MYO5B: variants seen among roughly 807,000 people sequenced by gnomAD.
MYO5B encodes the protein unconventional myosin-Vb.
A neutral mutation model predicts 229.3 loss-of-function variants in MYO5B; 143 were observed. The observed-to-expected ratio is 0.62, with a 90% confidence interval of 0.54 to 0.72. The LOEUF (loss-of-function observed/expected upper bound fraction) is 0.72. MYO5B is among the 30% of genes least tolerant of loss of function. The pLI is 0.00. For missense variants in MYO5B, 2,321 were observed against 2,331.0 expected (o/e 1.00, Z 0.09); for synonymous variants, 918 against 885.2 (o/e 1.04, Z -0.66).
intron 1 of MYO5B, among the ~76,000 whole-genome samples, chr18:50,150,974 CAT>C (rs1460379186): frequency 1.3e-5 from 2 of 152,224 alleles, no homozygotes; most frequent in African/African-American, 2.4e-5. Context: ...CCTAAATGGT[CAT>C]AGTCACTAGC....
chr18:49,936,156 T>C (rs954478188), intron 16 of MYO5B, 96 bp downstream of exon 16: 1 of 1,035,834 alleles, frequency 9.7e-7, no homozygotes. Context: ...GTCATCATGC[T>C]GAAGGCCACA....
chr18:49,836,662 C>A, intron 38 of MYO5B, 49 bp downstream of exon 38: 3 of 1,607,422 alleles, frequency 1.9e-6, no homozygotes, highest in Non-Finnish European at 2.6e-6. Context: ...GGAATGGACT[C>A]AGGGCTTCCT....
rs139833289 is a variant in MYO5B, at chr18:50,064,791, G to C, written c.28-9413C>G. ...TATTTATGCAGTCTAAGTTTGCTTC[G>C]TTTTTCTTTTTAAAAACCTGTTCCA... On this transcript the variant is annotated intron_variant, in intron 1 of 39. Coordinates refer to ENST00000285039, the MANE Select transcript of MYO5B (RefSeq NM_001080467.3). Among the ~76,000 whole-genome samples the C allele has an allele frequency of 2.4e-3, 359 of 152,222 alleles. 1 individual carries two copies. The highest frequency in any genetic ancestry group is 7.6e-3 in the African/African-American group (316 of 41,542).
intron 1 of MYO5B, among the ~76,000 whole-genome samples, chr18:50,085,579 G>T (rs987044077): frequency 1.3e-5 from 2 of 152,104 alleles, no homozygotes; most frequent in South Asian, 2.1e-4. Flanking sequence ...ATACCCAAAG[G>T]ATTATAAATC....
chr18:49,961,848 C>A (rs1386816633), intron 12 of MYO5B, among the ~76,000 whole-genome samples: 2 of 152,232 alleles, frequency 1.3e-5, no homozygotes, highest in East Asian at 1.9e-4. Flanking sequence ...ATGAATTTCA[C>A]CTGCCACCAT....
chr18:49,857,247 T>C (rs1368479253), intron 29 of MYO5B, among the ~76,000 whole-genome samples: 1 of 152,204 alleles, frequency 6.6e-6, no homozygotes, highest in Admixed American at 6.5e-5. Context: ...AGCATTCACA[T>C]AGCCTCACAC....
intron 22 of MYO5B, among the ~76,000 whole-genome samples, chr18:49,884,835 A>C (rs967123687): frequency 6.6e-6 from 1 of 152,228 alleles, no homozygotes; most frequent in Admixed American, 6.5e-5. Flanking sequence ...AAAGAACTGA[A>C]ATAGACATTT....
chr18:49,886,684 A>G (rs939121305), intron 22 of MYO5B, among the ~76,000 whole-genome samples: 1 of 152,224 alleles, frequency 6.6e-6, no homozygotes, highest in Non-Finnish European at 1.5e-5. Flanking sequence ...ATAATAATTA[A>G]TGCAACAGAT....
chr18:50,139,256 A>G (rs992417650), intron 1 of MYO5B, among the ~76,000 whole-genome samples: 4 of 152,170 alleles, frequency 2.6e-5, no homozygotes, highest in African/African-American at 7.2e-5. Context: ...CCCTCTCCCA[A>G]CTTTGCAGCT....
intron 1 of MYO5B, among the ~76,000 whole-genome samples, chr18:50,175,712 T>G (rs1018984987): frequency 6.6e-6 from 1 of 152,226 alleles, no homozygotes; most frequent in African/African-American, 2.4e-5. Flanking sequence ...GGTCAAATTC[T>G]TACTCAAAGG....
intron 1 of MYO5B, among the ~76,000 whole-genome samples, chr18:50,194,314 C>T (rs1001430984): frequency 5.1e-4 from 78 of 152,174 alleles, no homozygotes; most frequent in African/African-American, 1.8e-3. Flanking sequence ...GGCGCGCCCT[C>T]GAGAGCCGGC....
chr18:49,999,983 C>T (rs1048559497), intron 5 of MYO5B, among the ~76,000 whole-genome samples: 3 of 152,244 alleles, frequency 2.0e-5, no homozygotes, highest in African/African-American at 7.2e-5. Flanking sequence ...AGAACAAATA[C>T]TGAAACTTGC....
chr18:50,113,033 A>G (rs568403910), intron 1 of MYO5B, among the ~76,000 whole-genome samples: 16 of 152,282 alleles, frequency 1.1e-4, no homozygotes, highest in African/African-American at 3.9e-4. Flanking sequence ...CACAATTAGA[A>G]CACTTTCTCA....
At chr18:50,057,652 C>A (rs2030584022) in intron 1 of MYO5B, among the ~76,000 whole-genome samples, 2 of 152,110 alleles carry the variant, frequency 1.3e-5, no homozygotes, top group South Asian at 4.2e-4. Context: ...TTATATAAAT[C>A]TCTCCTCTCT....
intron 1 of MYO5B, among the ~76,000 whole-genome samples, chr18:50,174,633 T>C (rs901014135): frequency 3.3e-5 from 5 of 152,180 alleles, no homozygotes; most frequent in African/African-American, 1.2e-4. Context: ...AGACTCCTGA[T>C]GTTTTCTGAA....
chr18:50,039,381 G>C (rs1424184039), intron 3 of MYO5B, among the ~76,000 whole-genome samples: 3 of 152,112 alleles, frequency 2.0e-5, no homozygotes, highest in Admixed American at 2.0e-4. Flanking sequence ...ACCCAGGCTG[G>C]AGTGCAGTGG....
intron 1 of MYO5B, among the ~76,000 whole-genome samples, chr18:50,174,704 G>A (rs1388746831): frequency 6.6e-6 from 1 of 152,168 alleles, no homozygotes; most frequent in East Asian, 1.9e-4. Flanking sequence ...TTTCCCACAT[G>A]GCCAGAATTA....
chr18:49,991,886 A>C (rs2025937968), intron 6 of MYO5B, among the ~76,000 whole-genome samples: 1 of 152,200 alleles, frequency 6.6e-6, no homozygotes, highest in African/African-American at 2.4e-5. Context: ...GCCAAGTATA[A>C]TCTATTTTTT....
intron 14 of MYO5B, among the ~76,000 whole-genome samples, chr18:49,937,784 GA>G (rs2025267666): frequency 1.3e-5 from 2 of 151,724 alleles, no homozygotes; most frequent in Admixed American, 1.3e-4. Flanking sequence ...CCAGGGAATA[GA>G]AAGTAGGTTA....
Sources: gnomAD v4.1 joint callset for allele counts (sites outside exome capture counted in the v4.1 genomes callset) on GRCh38, gnomAD v4.1.1 for gene constraint, MANE v1.5 for transcripts, NCBI Gene and HGNC (gene_info 2026-07-23, HGNC 2026-07-21) for gene names.